ASPH: variants seen among roughly 807,000 people sequenced by gnomAD.
ASPH encodes the protein aspartate beta-hydroxylase, also known as aspartyl/asparaginyl beta-hydroxylase.
In ASPH, 100 loss-of-function variants were observed where a neutral mutation model predicts 118.4. The observed-to-expected ratio is 0.84, with a 90% CI of 0.72 to 1.00. The LOEUF (loss-of-function observed/expected upper bound fraction) is 1.00. Ranked by LOEUF, ASPH falls within the 50% of genes least tolerant of loss-of-function variation. The pLI is 0.00. For missense variants in ASPH, 920 were observed against 919.5 expected, an observed-to-expected ratio of 1.00 and a Z score of -0.01; for synonymous variants, 315 against 325.6, an observed-to-expected ratio of 0.97 and a Z score of 0.35.
chr8:61,614,094 C>T (rs750361219), intron 14 of ASPH, among the ~76,000 whole-genome samples: 10 of 151,874 alleles, frequency 6.6e-5, no homozygotes, highest in East Asian at 1.9e-4. Flanking sequence ...TGTTTTCTAG[C>T]GCCATCTGGT....
chr8:61,644,443 G>C (rs186379473), intron 7 of ASPH, among the ~76,000 whole-genome samples, 157 bp downstream of exon 7: 2 of 152,186 alleles, frequency 1.3e-5, no homozygotes. Flanking sequence ...TATTCACAAA[G>C]AAATACCATA....
intron 24 of ASPH, among the ~76,000 whole-genome samples, chr8:61,507,871 G>C (rs1350465648): frequency 6.6e-6 from 1 of 152,160 alleles, no homozygotes; most frequent in Non-Finnish European, 1.5e-5. Flanking sequence ...CTGTGACAGA[G>C]GTCTGCCTGG....
intron 1 of ASPH, among the ~76,000 whole-genome samples, chr8:61,690,886 G>A (rs1467131280): frequency 6.6e-6 from 1 of 151,860 alleles, no homozygotes; most frequent in Non-Finnish European, 1.5e-5. Context: ...TTTCAAAAAG[G>A]GCCATAAAAA....
intron 24 of ASPH, among the ~76,000 whole-genome samples, chr8:61,512,157 A>G (rs1056268877): frequency 2.6e-5 from 4 of 152,126 alleles, no homozygotes; most frequent in African/African-American, 7.2e-5. Context: ...GACTGAACCC[A>G]CTACTAATAT....
At chr8:61,714,174 G>GGGACCTGGGGAGAT (rs1838794690) in intron 1 of ASPH, 95 bp downstream of exon 1, 2 of 1,274,444 alleles carry the variant, frequency 1.6e-6, no homozygotes, top group Non-Finnish European at 2.0e-6. Flanking sequence ...GGCGCGCGGT[G>GGGACCTGGGGAGAT]GGACCTGGGG....
At chr8:61,516,495 G>A (rs781137024) in intron 24 of ASPH, among the ~76,000 whole-genome samples, 2 of 152,094 alleles carry the variant, frequency 1.3e-5, no homozygotes, top group Non-Finnish European at 2.9e-5. Flanking sequence ...GCAGACCCCT[G>A]AACACTCATC....
intron 13 of ASPH, chr8:61,624,518 C>A: frequency 1.0e-6 from 1 of 964,994 alleles, no homozygotes; most frequent in Non-Finnish European, 1.2e-6. Flanking sequence ...CCTTATACTT[C>A]AAAAATAATG....
At chr8:61,631,376 A>C (rs193208055) in intron 13 of ASPH, among the ~76,000 whole-genome samples, 2 of 152,144 alleles carry the variant, frequency 1.3e-5, no homozygotes, top group East Asian at 1.9e-4. Context: ...CTATACAGGT[A>C]TATCTTTTTA....
In ASPH at chr8:61,502,516, T is replaced by G. The variant is rs903803036; in HGVS notation, c.*843A>C. 3.3e-5 allele frequency: 5 copies of G among 152,178 alleles called. No homozygotes were observed. The highest frequency in any genetic ancestry group is 9.7e-5 in the African/African-American group (4 of 41,428). 9.4% of individuals were successfully genotyped at this position (152,178 alleles called of 1,614,324 possible). A position where few individuals can be genotyped will look rare whatever the true frequency, so the allele number is the denominator to read the frequency against. On this transcript the variant is annotated 3_prime_UTR_variant, in exon 25 of 25. Coordinates refer to ENST00000379454, the MANE Select transcript of ASPH (RefSeq NM_004318.4). ...CACCCAACCCTGAAAGAACATAGTT[T>G]TATTTCCGTGAACTATACTTTTTCC...
At chr8:61,506,758 A>G (rs1464444730) in intron 24 of ASPH, among the ~76,000 whole-genome samples, 2 of 152,230 alleles carry the variant, frequency 1.3e-5, no homozygotes, top group Non-Finnish European at 2.9e-5. Flanking sequence ...ATAAAGAAAA[A>G]TAGGGAAAAG....
At chr8:61,638,146 T>C (rs2150886132) in intron 11 of ASPH, 143 bp from the exon 12 acceptor site, 4 of 1,140,230 alleles carry the variant, frequency 3.5e-6, no homozygotes, top group Admixed American at 2.8e-5. Context: ...CTGGGTCTTC[T>C]GCAGAGTATT....
At chr8:61,564,297 C>CTTT (rs1176381658) in intron 17 of ASPH, among the ~76,000 whole-genome samples, 6 of 134,030 alleles carry the variant, frequency 4.5e-5, no homozygotes, top group Non-Finnish European at 9.8e-5. Flanking sequence ...AATGCTGATT[C>CTTT]TTTTTTTTTT....
rs995835443 is a variant in ASPH, at chr8:61,651,138, A to G, written c.416-14T>C. 1.2e-6 allele frequency: 2 copies of G among 1,609,320 alleles called. No individual in the cohort carries two copies. Among genetic ancestry groups the G allele is most frequent in the Non-Finnish European group, 1.7e-6 (2 of 1,176,162 alleles). The stretch of plus-strand genomic sequence containing the variant: ...TATTCTGGGGTTCTAAAATAATTGC[A>G]AAACATAGCTAAGTAGAAAAGCTCA... On this transcript the variant is annotated splice_polypyrimidine_tract_variant and intron_variant, in intron 4 of 24. Transcript: ENST00000379454.
chr8:61,609,051 G>C (rs765735678), intron 14 of ASPH, among the ~76,000 whole-genome samples: 1 of 152,200 alleles, frequency 6.6e-6, no homozygotes, highest in African/African-American at 2.4e-5. Flanking sequence ...GCTCTAGATG[G>C]AGGGCGAGGA....
intron 13 of ASPH, chr8:61,624,936 C>T (rs1852206070): frequency 4.1e-6 from 4 of 985,078 alleles, no homozygotes; most frequent in African/African-American, 1.7e-5. Flanking sequence ...GGTTTCATTA[C>T]ACATCGAGTA....
intron 2 of ASPH, 117 bp downstream of exon 2, chr8:61,683,922 A>G: frequency 2.5e-6 from 3 of 1,200,032 alleles, no homozygotes; most frequent in Non-Finnish European, 3.5e-6. Context: ...TCTATTGAGA[A>G]CCACTGAAAG....
rs186293314 is a variant in ASPH, at chr8:61,637,387, C to A, written c.889+560G>T. Among the ~76,000 whole-genome samples, 67 of 152,244 alleles carry A rather than the reference C, an allele frequency of 4.4e-4. 1 individual carries two copies. In the Middle Eastern group the frequency reaches 0.027, roughly 62 times the overall value. ...GCTCCCTGTTTCTCAGTGCCTACTA[C>A]GAGGAGCAACTGAAATAATATATGT... is the stretch of plus-strand genomic sequence containing the variant. On this transcript the variant is annotated intron_variant, in intron 12 of 24. Transcript: ENST00000379454.
chr8:61,700,295 C>A (rs1214202648), intron 1 of ASPH, among the ~76,000 whole-genome samples: 2 of 152,232 alleles, frequency 1.3e-5, no homozygotes, highest in Admixed American at 6.5e-5. Context: ...CTCCCCAGCA[C>A]AGCCCCAAAG....
intron 17 of ASPH, among the ~76,000 whole-genome samples, chr8:61,566,494 A>C (rs936812221): frequency 3.9e-5 from 6 of 152,236 alleles, no homozygotes; most frequent in African/African-American, 1.2e-4. Flanking sequence ...ATATTCCATA[A>C]ACTTTGTTGA....
Sources: allele counts gnomAD v4.1 joint callset (sites outside exome capture counted in the v4.1 genomes callset), GRCh38; gene constraint gnomAD v4.1.1; transcripts MANE v1.5; gene names NCBI Gene and HGNC (gene_info 2026-07-23, HGNC 2026-07-21).